Variants in SLIT3 observed in about 807,000 individuals in gnomAD.
SLIT3 encodes slit homolog 3 protein.
Under a neutral mutation model 184.0 loss-of-function variants are expected in SLIT3, and 68 were observed. The ratio of observed to expected loss-of-function variants is 0.37; its 90% CI spans 0.30 to 0.45. SLIT3 has a LOEUF of 0.45. SLIT3 is among the 20% of genes least tolerant of loss of function. SLIT3 has a pLI of 1.00. For synonymous variants in SLIT3, 831 were observed against 828.6 expected, an observed-to-expected ratio of 1.00 and a Z score of -0.05; for missense variants, 1,707 against 2,026.0, an observed-to-expected ratio of 0.84 and a Z score of 3.02.
intron 7 of SLIT3, among the ~76,000 whole-genome samples, chr5:168,821,572 G>A (rs560828497): frequency 6.6e-6 from 1 of 152,330 alleles, no homozygotes; most frequent in East Asian, 1.9e-4. Flanking sequence ...TATTTTAAGA[G>A]GGAGGGAAAG....
intron 4 of SLIT3, among the ~76,000 whole-genome samples, chr5:169,073,296 G>A (rs1758619862): frequency 6.6e-6 from 1 of 152,174 alleles, no homozygotes; most frequent in Admixed American, 6.5e-5. Flanking sequence ...ATGAACACCT[G>A]GTGGTCCAGT....
At position 169,172,843 on chromosome 5, in the gene SLIT3, C is replaced by T. The variant is rs529249502; in HGVS notation, c.413+20636G>A. Among the ~76,000 whole-genome samples the T allele has an allele frequency of 5.3e-5, 8 of 152,270 alleles. No homozygotes were observed. The South Asian group carries it at 1.7e-3, about 32-fold the overall frequency. The stretch of plus-strand genomic sequence containing the variant: ...AGCATGGTGGGGAAGGCAGTTAAAG[C>T]ACCAGTCTCGGAGTTGGAGTATGGC... On this transcript the variant is annotated intron_variant, in intron 4 of 35. Transcript: ENST00000519560.
At chr5:169,105,687 T>A (rs954443820) in intron 4 of SLIT3, among the ~76,000 whole-genome samples, 8 of 152,202 alleles carry the variant, frequency 5.3e-5, no homozygotes, top group Non-Finnish European at 1.2e-4. Flanking sequence ...AGCTCTCACT[T>A]GTAAGTGAGA....
At chr5:169,097,289 TTAAG>T (rs1561662479) in intron 4 of SLIT3, among the ~76,000 whole-genome samples, 3 of 152,126 alleles carry the variant, frequency 2.0e-5, no homozygotes, top group African/African-American at 7.2e-5. Context: ...ACTTAGTCCA[TTAAG>T]TGTGAGATGT....
At chr5:168,970,394 C>T (rs996636694) in intron 4 of SLIT3, among the ~76,000 whole-genome samples, 1 of 151,466 alleles carries the variant, frequency 6.6e-6, no homozygotes, top group Admixed American at 6.6e-5. Flanking sequence ...ACGCGGGAGG[C>T]TGGGGCAAGA....
At chr5:168,684,980 C>T (rs10067925) in intron 31 of SLIT3, among the ~76,000 whole-genome samples, 4,146 of 152,166 alleles carry the variant, frequency 0.027, 193 homozygotes, top group African/African-American at 0.095. Context: ...AGACAGAGTC[C>T]TGCCCTGTTG....
At chr5:169,202,813 A>C (rs1763945841) in intron 3 of SLIT3, among the ~76,000 whole-genome samples, 1 of 147,754 alleles carries the variant, frequency 6.8e-6, no homozygotes, top group Non-Finnish European at 1.5e-5. Context: ...TGCCCGCAAC[A>C]CACACATACC....
intron 1 of SLIT3, among the ~76,000 whole-genome samples, chr5:169,282,638 G>T (rs1374724435): frequency 6.6e-6 from 1 of 152,092 alleles, no homozygotes; most frequent in East Asian, 1.9e-4. Flanking sequence ...AATAAGTGAG[G>T]TTATATTGCA....
intron 5 of SLIT3, among the ~76,000 whole-genome samples, chr5:168,872,469 AG>A (rs1207547009): frequency 6.6e-6 from 1 of 152,210 alleles, no homozygotes. Context: ...AGGTGTTAAT[AG>A]CAAGAGAAAC....
chr5:169,033,059 C>G (rs77818286), intron 4 of SLIT3, among the ~76,000 whole-genome samples: 4,673 of 151,516 alleles, frequency 0.031, 207 homozygotes, highest in East Asian at 0.098. Flanking sequence ...ACCTGGCCAC[C>G]CTCCCTACTT....
intron 12 of SLIT3, among the ~76,000 whole-genome samples, chr5:168,781,929 A>G: frequency 6.6e-6 from 1 of 152,156 alleles, no homozygotes. Context: ...CCTTTCCACA[A>G]CACCTTCCTC....
chr5:168,972,734 C>T (rs1319673190), intron 4 of SLIT3, among the ~76,000 whole-genome samples: 1 of 152,172 alleles, frequency 6.6e-6, no homozygotes, highest in East Asian at 1.9e-4. Flanking sequence ...TCTCTAGACT[C>T]ATACCTGTCT....
intron 4 of SLIT3, among the ~76,000 whole-genome samples, chr5:169,059,555 A>G (rs979233605): frequency 1.3e-5 from 2 of 152,228 alleles, no homozygotes; most frequent in Non-Finnish European, 2.9e-5. Flanking sequence ...TCTACACTGT[A>G]GAAGCCTCAA....
At chr5:168,819,224 T>A (rs1394315962) in intron 7 of SLIT3, among the ~76,000 whole-genome samples, 1 of 152,222 alleles carries the variant, frequency 6.6e-6, no homozygotes, top group Non-Finnish European at 1.5e-5. Context: ...CCTAAGCTGG[T>A]GGGAAGGACC....
chr5:168,833,925 T>C (rs913380092), intron 6 of SLIT3, among the ~76,000 whole-genome samples: 31 of 152,154 alleles, frequency 2.0e-4, no homozygotes, highest in African/African-American at 6.0e-4. Context: ...GGCTCTAAAA[T>C]AGCATTTCTG....
At chr5:168,942,818 T>C (rs1028658104) in intron 4 of SLIT3, among the ~76,000 whole-genome samples, 3 of 152,214 alleles carry the variant, frequency 2.0e-5, no homozygotes, top group Non-Finnish European at 4.4e-5. Context: ...ACCATCTTAC[T>C]AGCCAATTTC....
Position 168,853,396 on chromosome 5 carries a change from T to C in SLIT3, c.486-8741A>G, listed in dbSNP as rs79503781. Among the ~76,000 whole-genome samples the C allele has an allele frequency of 1.6e-3, 247 of 152,342 alleles. 1 individual carries two copies. The highest frequency in any genetic ancestry group is 5.7e-3 in the African/African-American group (239 of 41,582). On this transcript the variant is annotated intron_variant, in intron 5 of 35. Transcript: ENST00000519560. ...CCAACTAATAACCAATCAAGTAATG[T>C]ACCACCTAAAATAGTCAAATGCCGC... is the stretch of plus-strand genomic sequence containing the variant.
Position 168,708,064 on chromosome 5 carries a change from G to A in SLIT3, c.2756C>T (p.Ala919Val). Residue 919 changes from alanine to valine, a missense_variant, in exon 26 of 36, where the codon GCC (alanine) becomes GTC (valine). By Grantham distance (64) the Ala-to-Val change is moderately conservative (BLOSUM62 0). This residue lies in a region of SLIT3 where 1,307 missense variants were observed against 1,511.6 expected (regional missense o/e 0.86). Transcript: ENST00000519560. ...VDINIVAKCN[A>V]CLSSPCKNNG... The stretch of plus-strand genomic sequence containing the variant: ...ATTCTTGCACGGGCTGGAGAGGCAG[G>A]CATTGCATTTGGCCACAATGTTGAT... The A allele has an allele frequency of 6.2e-7, 1 of 1,614,208 alleles. No individual in the cohort carries two copies. Among genetic ancestry groups the A allele is most frequent in the Non-Finnish European group, 8.5e-7 (1 of 1,180,028 alleles).
At chr5:169,282,229 T>C (rs934276011) in intron 1 of SLIT3, among the ~76,000 whole-genome samples, 4 of 152,222 alleles carry the variant, frequency 2.6e-5, no homozygotes, top group Admixed American at 2.0e-4. Flanking sequence ...TCCTACAGCC[T>C]CTTCTCGTCA....
Sources: allele counts gnomAD v4.1 joint callset (sites outside exome capture counted in the v4.1 genomes callset), GRCh38; gene constraint gnomAD v4.1.1; regional missense constraint gnomAD v4.1.1; transcripts MANE v1.5; gene names NCBI Gene and HGNC (gene_info 2026-07-23, HGNC 2026-07-21).